CHN1: variants seen among roughly 807,000 people sequenced by gnomAD.
CHN1 encodes the protein chimerin 1.
CHN1 carries 37 observed loss-of-function variants against 59.5 expected under a neutral mutation model. That is an observed-to-expected ratio of 0.62 (90% CI 0.48 to 0.82). The LOEUF is 0.82. CHN1 is among the 40% of genes least tolerant of loss of function. The pLI, the probability that CHN1 is intolerant of heterozygous loss-of-function variation, is 0.00. For synonymous variants in CHN1, 206 were observed against 200.4 expected, an observed-to-expected ratio of 1.03 and a Z score of -0.24; for missense variants, 469 against 571.0, an observed-to-expected ratio of 0.82 and a Z score of 1.82.
At chr2:174,828,505 G>A (rs1685767646) in intron 7 of CHN1, among the ~76,000 whole-genome samples, 1 of 152,150 alleles carries the variant, frequency 6.6e-6, no homozygotes, top group South Asian at 2.1e-4. Context: ...GTACAACTTA[G>A]AATAGCTTTT....
chr2:174,977,993 G>A (rs1691006222), intron 1 of CHN1, among the ~76,000 whole-genome samples: 1 of 151,678 alleles, frequency 6.6e-6, no homozygotes, highest in East Asian at 1.9e-4. Flanking sequence ...AGACCTCTAA[G>A]AAAAAATAAA....
At chr2:174,994,054 G>A (rs1040999706) in intron 1 of CHN1, among the ~76,000 whole-genome samples, 2 of 152,082 alleles carry the variant, frequency 1.3e-5, no homozygotes, top group Non-Finnish European at 2.9e-5. Context: ...TACTGTGAGG[G>A]TAAAACATGA....
At chr2:174,867,347 C>A (rs1302984597) in intron 6 of CHN1, among the ~76,000 whole-genome samples, 1 of 151,436 alleles carries the variant, frequency 6.6e-6, no homozygotes, top group African/African-American at 2.4e-5. Context: ...AAACTGCACT[C>A]CCGCACAGGT....
intron 3 of CHN1, among the ~76,000 whole-genome samples, chr2:174,930,099 G>A (rs1003999988): frequency 3.3e-5 from 5 of 152,140 alleles, no homozygotes; most frequent in Non-Finnish European, 5.9e-5. Flanking sequence ...GACCCATGAC[G>A]AGGTGTCACA....
intron 7 of CHN1, among the ~76,000 whole-genome samples, chr2:174,833,767 TTTATTC>T (rs1413781503): frequency 6.6e-6 from 1 of 151,732 alleles, no homozygotes; most frequent in Non-Finnish European, 1.5e-5. Context: ...CAATTTTAGT[TTTATTC>T]TAAGGTCTAG....
chr2:174,899,399 A>G (rs570352993), intron 5 of CHN1, among the ~76,000 whole-genome samples: 1 of 152,310 alleles, frequency 6.6e-6, no homozygotes, highest in South Asian at 2.1e-4. Context: ...TCAACTCTAG[A>G]TTGTGTAAAG....
At chr2:174,930,520 G>C (rs957712619) in intron 3 of CHN1, among the ~76,000 whole-genome samples, 1 of 152,150 alleles carries the variant, frequency 6.6e-6, no homozygotes, top group Non-Finnish European at 1.5e-5. Flanking sequence ...TATCTGGGCA[G>C]CCCATGCAGG....
intron 3 of CHN1, among the ~76,000 whole-genome samples, chr2:174,919,408 G>A (rs1376271921): frequency 8.5e-6 from 1 of 116,994 alleles, no homozygotes; most frequent in Non-Finnish European, 1.8e-5. Flanking sequence ...ATGACAAGAT[G>A]CCAACTCCGA....
chr2:174,934,884 C>T (rs1689451655), intron 3 of CHN1, among the ~76,000 whole-genome samples: 1 of 152,196 alleles, frequency 6.6e-6, no homozygotes, highest in Admixed American at 6.5e-5. Context: ...TGACTATTCT[C>T]AGAACCAGTG....
chr2:174,801,706 C>T lies in CHN1; in HGVS notation c.1208+1G>A, dbSNP rs1379205732. Reference sequence around the variant, plus strand: ...TGTAAGACTCAAAGTCTATAGCTTGCCTCTTTAGATGTGCCATGAGGTACC... The same window carrying T: ...TGTAAGACTCAAAGTCTATAGCTTGTCTCTTTAGATGTGCCATGAGGTACC... On this transcript the variant is annotated splice_donor_variant, in intron 12 of 12. Transcript: ENST00000409900. LOFTEE classifies it high-confidence loss of function. The T allele has an allele frequency of 2.5e-6, 4 of 1,610,070 alleles. No homozygotes were observed. The highest frequency in any genetic ancestry group is 3.4e-6 in the Non-Finnish European group (4 of 1,176,740).
At position 174,843,387 on chromosome 2, in the gene CHN1, G is replaced by A. The variant is rs540097947; in HGVS notation, c.627+3493C>T. 2.9e-4 allele frequency among the ~76,000 whole-genome samples: 44 copies of A among 152,084 alleles called. 1 individual carries two copies. The highest frequency in any genetic ancestry group is 7.9e-4 in the Admixed American group (12 of 15,264). Reference sequence around the variant, plus strand: ...CCAGAGGAGCTGGGACTACAGTCACGTGCCACCACACCCGGCTAATTTTGT... The same window carrying A: ...CCAGAGGAGCTGGGACTACAGTCACATGCCACCACACCCGGCTAATTTTGT... On this transcript the variant is annotated intron_variant, in intron 7 of 12. Coordinates refer to ENST00000409900, the MANE Select transcript of CHN1 (RefSeq NM_001822.7).
chr2:174,887,138 C>A (rs1048072283), intron 5 of CHN1, among the ~76,000 whole-genome samples: 1 of 152,140 alleles, frequency 6.6e-6, no homozygotes, highest in Middle Eastern at 3.4e-3. Context: ...AAGCTGATGG[C>A]GATTCTTCTT....
intron 11 of CHN1, among the ~76,000 whole-genome samples, chr2:174,807,589 C>T (rs1453490805): frequency 6.6e-6 from 1 of 151,010 alleles, no homozygotes; most frequent in Non-Finnish European, 1.5e-5. Flanking sequence ...CATGTGAGAT[C>T]CCTCATACAA....
chr2:174,961,514 C>G (rs1476739558), intron 1 of CHN1, among the ~76,000 whole-genome samples: 2 of 151,758 alleles, frequency 1.3e-5, no homozygotes, highest in Non-Finnish European at 2.9e-5. Context: ...TCGCTTGAAC[C>G]CGGGAGGCGG....
chr2:174,941,605 T>TA (rs1376457363), intron 3 of CHN1, among the ~76,000 whole-genome samples: 2 of 152,112 alleles, frequency 1.3e-5, no homozygotes, highest in Non-Finnish European at 2.9e-5. Flanking sequence ...AGTCTGTTTT[T>TA]ATATAGTTGT....
intron 6 of CHN1, among the ~76,000 whole-genome samples, chr2:174,865,566 C>T (rs143623220): frequency 0.011 from 1,682 of 152,266 alleles, 10 homozygotes; most frequent in Non-Finnish European, 0.016. Flanking sequence ...TGAAGTACTT[C>T]GCACAGCTTC....
At chr2:174,918,119 A>G (rs1688902912) in intron 4 of CHN1, among the ~76,000 whole-genome samples, 1 of 152,092 alleles carries the variant, frequency 6.6e-6, no homozygotes, top group South Asian at 2.1e-4. Flanking sequence ...TTTTCTCATA[A>G]TAAAGATAAT....
chr2:174,903,524 G>T (rs767325344), intron 5 of CHN1, among the ~76,000 whole-genome samples: 35 of 152,118 alleles, frequency 2.3e-4, no homozygotes, highest in Non-Finnish European at 4.4e-4. Flanking sequence ...TCTCTAGGGA[G>T]TGGAACTAGA....
chr2:174,817,414 A>C (rs1286859119), intron 8 of CHN1, among the ~76,000 whole-genome samples: 1 of 152,006 alleles, frequency 6.6e-6, no homozygotes, highest in Non-Finnish European at 1.5e-5. Context: ...GAATGGCAGT[A>C]ATGGTTTGGT....
Sources: gnomAD v4.1 joint callset for allele counts (sites outside exome capture counted in the v4.1 genomes callset) on GRCh38, gnomAD v4.1.1 for gene constraint, MANE v1.5 for transcripts, NCBI Gene and HGNC (gene_info 2026-07-23, HGNC 2026-07-21) for gene names.